SYTL5: variants seen among roughly 807,000 people sequenced by gnomAD.
The protein encoded by SYTL5 is synaptotagmin like 5.
Under a neutral mutation model 55.9 loss-of-function variants are expected in SYTL5, and 34 were observed. The observed-to-expected ratio is 0.61, with a 90% CI of 0.46 to 0.81. The LOEUF is 0.81. Among genes scored for constraint, SYTL5 ranks in the 30% least tolerant of loss-of-function variants. The pLI is 0.00. For missense variants in SYTL5, 637 were observed against 546.7 expected (o/e 1.17, Z -1.65); for synonymous variants, 221 against 188.7 (o/e 1.17, Z -1.40).
intron 2 of SYTL5, 123 bp from the exon 3 acceptor site, chrX:38,054,090 C>T: frequency 1.9e-6 from 1 of 514,405 alleles, no homozygotes; most frequent in East Asian, 3.7e-5. Context: ...ATGGTGGTCC[C>T]CAGTTTAAAG....
the SYTL5 span, among the ~76,000 whole-genome samples, chrX:37,980,566 G>A: frequency 1.5e-4 from 17 of 111,981 alleles, no homozygotes; most frequent in Admixed American, 2.8e-4. Flanking sequence ...AAAAGTCTAT[G>A]GTATTTGAAC....
At chrX:38,001,608 A>G (rs1212258654), upstream of SYTL5, among the ~76,000 whole-genome samples, 2 of 111,296 alleles carry the variant, frequency 1.8e-5, no homozygotes, top group Admixed American at 1.9e-4. Context: ...AGTTTCTTCC[A>G]TGTTGTTGCA....
At chrX:38,092,483 G>A (rs1936822965) in intron 7 of SYTL5, among the ~76,000 whole-genome samples, 1 of 111,657 alleles carries the variant, frequency 9.0e-6, no homozygotes, top group Non-Finnish European at 1.9e-5. Flanking sequence ...GAAGAACCCG[G>A]AGTCTGATGT....
At chrX:38,013,843 A>G (rs771777254) in intron 1 of SYTL5, among the ~76,000 whole-genome samples, 1 of 109,811 alleles carries the variant, frequency 9.1e-6, no homozygotes, top group East Asian at 2.9e-4. Flanking sequence ...TGGGCCCCTC[A>G]TCATTACTCA....
the SYTL5 span, among the ~76,000 whole-genome samples, chrX:37,937,064 AG>A: frequency 1.1e-5 from 1 of 94,168 alleles, no homozygotes; most frequent in East Asian, 3.4e-4. Context: ...AAAAAAAAAA[AG>A]TACGTTGACA....
At chrX:37,899,547 G>T in the SYTL5 span, among the ~76,000 whole-genome samples, 1 of 111,769 alleles carries the variant, frequency 8.9e-6, no homozygotes, top group African/African-American at 3.3e-5. Context: ...CACTGAAAAC[G>T]CAAAATGCAA....
chrX:37,945,208 A>G, the SYTL5 span, among the ~76,000 whole-genome samples: 3 of 112,112 alleles, frequency 2.7e-5, no homozygotes, highest in Non-Finnish European at 5.6e-5. Flanking sequence ...AAGTTTGTTG[A>G]GGGTTTTTAA....
the SYTL5 span, among the ~76,000 whole-genome samples, chrX:37,907,671 GA>G: frequency 4.5e-5 from 5 of 110,830 alleles, no homozygotes; most frequent in South Asian, 3.8e-4. Flanking sequence ...AAGGTCTGTT[GA>G]AAAAAAATGA....
chrX:38,076,050 C>T (rs904568079), intron 5 of SYTL5, among the ~76,000 whole-genome samples: 5 of 111,722 alleles, frequency 4.5e-5, no homozygotes, highest in Non-Finnish European at 9.4e-5. Context: ...TTTAGTCATT[C>T]GTTCCACAAG....
At chrX:38,093,723 C>A (rs1712668060) in intron 7 of SYTL5, among the ~76,000 whole-genome samples, 1 of 111,364 alleles carries the variant, frequency 9.0e-6, no homozygotes, top group African/African-American at 3.3e-5. Context: ...AGTTTTCTCT[C>A]TTTATTTTTT....
the SYTL5 span, among the ~76,000 whole-genome samples, chrX:37,924,677 A>G: frequency 3.6e-5 from 4 of 111,054 alleles, no homozygotes; most frequent in African/African-American, 1.3e-4. Flanking sequence ...TTTCCCTACC[A>G]CATATCTGAA....
the SYTL5 span, among the ~76,000 whole-genome samples, chrX:37,975,560 CT>C: frequency 8.9e-6 from 1 of 111,804 alleles, no homozygotes; most frequent in Non-Finnish European, 1.9e-5. Flanking sequence ...GCCATGCAGG[CT>C]TTTGAACCTG....
At chrX:37,934,778 C>T in the SYTL5 span, among the ~76,000 whole-genome samples, 1 of 109,336 alleles carries the variant, frequency 9.1e-6, no homozygotes, top group Non-Finnish European at 1.9e-5. Context: ...GGACTACAGG[C>T]ACCCGCCACC....
At chrX:37,938,949 C>G in the SYTL5 span, among the ~76,000 whole-genome samples, 5 of 111,657 alleles carry the variant, frequency 4.5e-5, no homozygotes, top group Non-Finnish European at 1.9e-5. Flanking sequence ...ATTTTTGAAA[C>G]AAAGTTGTTG....
the SYTL5 span, among the ~76,000 whole-genome samples, chrX:37,971,807 C>CTT: frequency 1.6e-4 from 16 of 101,316 alleles, no homozygotes; most frequent in East Asian, 4.2e-3. Context: ...TTTATTCCGG[C>CTT]TTTTTTTTTT....
chrX:37,962,007 A>C, the SYTL5 span, among the ~76,000 whole-genome samples: 3 of 112,015 alleles, frequency 2.7e-5, no homozygotes, highest in Non-Finnish European at 5.6e-5. Context: ...ATTCATAAAC[A>C]TAAAACAATC....
At chrX:37,978,855 G>C in the SYTL5 span, among the ~76,000 whole-genome samples, 1 of 111,421 alleles carries the variant, frequency 9.0e-6, no homozygotes, top group African/African-American at 3.3e-5. Context: ...ATAAAGGGGA[G>C]AAGGTGAGGT....
intron 6 of SYTL5, among the ~76,000 whole-genome samples, chrX:38,087,761 T>C (rs1001493416): frequency 9.0e-6 from 1 of 111,672 alleles, no homozygotes; most frequent in Non-Finnish European, 1.9e-5. Context: ...CTGGCTGGAA[T>C]GATTTGTTCT....
the SYTL5 span, among the ~76,000 whole-genome samples, chrX:37,969,467 A>G: frequency 8.9e-6 from 1 of 112,082 alleles, no homozygotes; most frequent in East Asian, 2.8e-4. Flanking sequence ...TCACTTCCAC[A>G]TGACACATAT....
Sources: gnomAD v4.1 joint callset for allele counts (sites outside exome capture counted in the v4.1 genomes callset) on GRCh38, gnomAD v4.1.1 for gene constraint, MANE v1.5 for transcripts, NCBI Gene and HGNC (gene_info 2026-07-23, HGNC 2026-07-21) for gene names.